The following THSD4 variants were observed in gnomAD, a reference collection of about 807,000 sequenced individuals.
THSD4 encodes thrombospondin type 1 domain containing 4.
Under a neutral mutation model 119.0 loss-of-function variants are expected in THSD4, and 69 were observed. The ratio of observed to expected loss-of-function variants is 0.58; its 90% CI spans 0.48 to 0.71. The LOEUF is 0.71. Ranked by LOEUF, THSD4 falls within the 30% of genes least tolerant of loss-of-function variation. The probability of loss-of-function intolerance (pLI) is 0.00; values close to 1 mark genes in which losing one functional copy is unlikely to be tolerated. For missense variants in THSD4, 1,393 were observed against 1,391.1 expected (o/e 1.00, Z -0.02); for synonymous variants, 524 against 540.4 (o/e 0.97, Z 0.42).
chr15:71,554,579 G>T (rs951383016), intron 7 of THSD4, among the ~76,000 whole-genome samples: 7 of 152,064 alleles, frequency 4.6e-5, no homozygotes, highest in African/African-American at 1.7e-4. Context: ...GTAGAGACAG[G>T]GTCTCACTGT....
At chr15:71,583,149 G>A (rs2049592016) in intron 7 of THSD4, among the ~76,000 whole-genome samples, 1 of 152,068 alleles carries the variant, frequency 6.6e-6, no homozygotes, top group Non-Finnish European at 1.5e-5. Flanking sequence ...TTTAGTCTTA[G>A]TAGGTGGTAT....
At chr15:71,654,901 A>G (rs928378507) in intron 7 of THSD4, among the ~76,000 whole-genome samples, 2 of 152,164 alleles carry the variant, frequency 1.3e-5, no homozygotes, top group African/African-American at 2.4e-5. Flanking sequence ...GACCTCCACT[A>G]TCTGAATGCC....
At chr15:71,158,944 G>A (rs28884582) in intron 3 of THSD4, among the ~76,000 whole-genome samples, 11,852 of 152,120 alleles carry the variant, frequency 0.078, 898 homozygotes, top group African/African-American at 0.2. Context: ...CTTATGTTTT[G>A]TTTTAGTAGT....
chr15:71,227,496 C>A (rs757753036), intron 4 of THSD4, among the ~76,000 whole-genome samples: 3 of 152,196 alleles, frequency 2.0e-5, no homozygotes, highest in East Asian at 1.9e-4. Context: ...GGGTTGCTAT[C>A]GTTTCCTTTG....
At chr15:71,693,829 T>C (rs780613201) in intron 8 of THSD4, among the ~76,000 whole-genome samples, 1 of 152,066 alleles carries the variant, frequency 6.6e-6, no homozygotes, top group Admixed American at 6.5e-5. Flanking sequence ...ATGTAAGACA[T>C]CCCTTTGCTC....
chr15:71,647,781 A>G (rs1055601733), intron 7 of THSD4, among the ~76,000 whole-genome samples: 2 of 152,186 alleles, frequency 1.3e-5, no homozygotes, highest in Admixed American at 6.5e-5. Flanking sequence ...ATGTCCCTTC[A>G]TGGGGGGTAA....
At chr15:71,358,954 G>A (rs1279523310) in intron 6 of THSD4, among the ~76,000 whole-genome samples, 1 of 152,126 alleles carries the variant, frequency 6.6e-6, no homozygotes, top group Non-Finnish European at 1.5e-5. Flanking sequence ...AGCACACCCT[G>A]CCTAAGCATA....
chr15:71,348,791 G>A (rs1408921121), intron 6 of THSD4, among the ~76,000 whole-genome samples: 1 of 152,242 alleles, frequency 6.6e-6, no homozygotes, highest in Non-Finnish European at 1.5e-5. Context: ...GTCACTTGCT[G>A]TGTAACTGCA....
At chr15:71,355,053 C>T (rs956168912) in intron 6 of THSD4, among the ~76,000 whole-genome samples, 11 of 152,148 alleles carry the variant, frequency 7.2e-5, no homozygotes, top group African/African-American at 2.4e-4. Flanking sequence ...ACAAATGTTT[C>T]GTAAAACAAA....
chr15:71,469,449 C>T (rs549103987), intron 7 of THSD4, among the ~76,000 whole-genome samples: 2 of 152,270 alleles, frequency 1.3e-5, no homozygotes, highest in Non-Finnish European at 2.9e-5. Context: ...GACAGCAATG[C>T]GAGAATGTCC....
chr15:71,732,043 C>CCT (rs2052989636), intron 10 of THSD4: 2 of 152,388 alleles, frequency 1.3e-5, no homozygotes, highest in South Asian at 4.2e-4. Flanking sequence ...CATCACATCT[C>CCT]CTCTCTGACT....
chr15:71,164,100 T>C (rs1425070401), intron 3 of THSD4, among the ~76,000 whole-genome samples: 2 of 151,386 alleles, frequency 1.3e-5, no homozygotes, highest in African/African-American at 2.4e-5. Flanking sequence ...TGATCAAGAT[T>C]TTGGATGTTC....
At chr15:71,420,321 A>T (rs1032202704) in intron 7 of THSD4, among the ~76,000 whole-genome samples, 1 of 107,110 alleles carries the variant, frequency 9.3e-6, no homozygotes, top group Non-Finnish European at 2.0e-5. Context: ...TTTGCATAGA[A>T]TATCTTTGTT....
chr15:71,577,096 A>C (rs1458874913), intron 7 of THSD4, among the ~76,000 whole-genome samples: 1 of 152,124 alleles, frequency 6.6e-6, no homozygotes, highest in Non-Finnish European at 1.5e-5. Flanking sequence ...CCTAACAAAA[A>C]AAAAAAAAAC....
At chr15:71,372,194 AG>A (rs1212846648) in intron 6 of THSD4, among the ~76,000 whole-genome samples, 2 of 152,066 alleles carry the variant, frequency 1.3e-5, no homozygotes, top group African/African-American at 2.4e-5. Context: ...TCTTTTTTCA[AG>A]GTTTTTAGCT....
chr15:71,595,402 C>A (rs1165905319), intron 7 of THSD4, among the ~76,000 whole-genome samples: 1 of 152,102 alleles, frequency 6.6e-6, no homozygotes, highest in Non-Finnish European at 1.5e-5. Flanking sequence ...CTCATGAGAT[C>A]TGATGGGTTT....
In THSD4 at chr15:71,164,505, A is replaced by G. The variant is rs541401695; in HGVS notation, c.99+9573A>G. 5.8e-3 allele frequency among the ~76,000 whole-genome samples: 888 copies of G among 152,112 alleles called. 5 individuals carry two copies. Among genetic ancestry groups the G allele is most frequent in the Middle Eastern group, 0.017 (5 of 294 alleles). On this transcript the variant is annotated intron_variant, in intron 3 of 17. Coordinates refer to ENST00000261862, the MANE Select transcript of THSD4 (RefSeq NM_024817.3). Reference sequence around the variant, plus strand: ...TAACTAATTTGTGCTGTGCACCAACAAGAACCTGCTTTAAATTTCCATGCC... The same window carrying G: ...TAACTAATTTGTGCTGTGCACCAACGAGAACCTGCTTTAAATTTCCATGCC...
intron 5 of THSD4, among the ~76,000 whole-genome samples, chr15:71,252,385 T>C (rs1464219489): frequency 2.0e-5 from 3 of 152,242 alleles, no homozygotes; most frequent in Non-Finnish European, 4.4e-5. Context: ...CCGATAATAG[T>C]ATGAGAAGTA....
intron 6 of THSD4, among the ~76,000 whole-genome samples, chr15:71,337,567 C>G (rs995721324): frequency 6.6e-6 from 1 of 152,158 alleles, no homozygotes; most frequent in African/African-American, 2.4e-5. Context: ...AAAAGGTTTC[C>G]CAGTCAGGGA....
Sources: allele counts gnomAD v4.1 joint callset (sites outside exome capture counted in the v4.1 genomes callset), GRCh38; gene constraint gnomAD v4.1.1; transcripts MANE v1.5; gene names NCBI Gene and HGNC (gene_info 2026-07-23, HGNC 2026-07-21).